CACNA1D: variants seen among roughly 807,000 people sequenced by gnomAD.
CACNA1D encodes the protein calcium voltage-gated channel subunit alpha1 D.
In CACNA1D, 55 loss-of-function variants were observed where a neutral mutation model predicts 257.1. The observed-to-expected ratio is 0.21, with a 90% CI of 0.17 to 0.27. The LOEUF is 0.27. Ranked by LOEUF, CACNA1D falls within the 10% of genes least tolerant of loss-of-function variation. The pLI is 1.00. For synonymous variants in CACNA1D, 980 were observed against 1,014.9 expected (o/e 0.97, Z 0.65); for missense variants, 1,876 against 2,784.0 (o/e 0.67, Z 7.34).
intron 3 of CACNA1D, among the ~76,000 whole-genome samples, chr3:53,560,550 C>G (rs1055347169): frequency 6.6e-6 from 1 of 152,098 alleles, no homozygotes; most frequent in East Asian, 1.9e-4. Flanking sequence ...CAGAGGCTGG[C>G]AAATGTTTTC....
At chr3:53,739,268 G>T (rs1436994231) in intron 20 of CACNA1D, among the ~76,000 whole-genome samples, 1 of 152,242 alleles carries the variant, frequency 6.6e-6, no homozygotes, top group Non-Finnish European at 1.5e-5. Flanking sequence ...TCTGTTAAAG[G>T]ATTAGGCCTG....
rs770427709 is a variant in CACNA1D at position 53,805,043 on chromosome 3, A to C, written c.5646A>C (p.Arg1882=). ...GAAACATCGACTCTGAGAGGCCCCG[A>C]GGCTACCATCATCCCCAAGGATTCT... ...PGRNIDSERP[R]GYHHPQGFLE... is the part of the protein sequence containing the mutation. The change falls in exon 45 of 48, where the codon CGA becomes CGC. Residue 1882 remains arginine, a synonymous_variant. Transcript: ENST00000350061. The C allele has an allele frequency of 6.2e-7, 1 of 1,614,132 alleles. No individual in the cohort carries two copies. Among genetic ancestry groups the C allele is most frequent in the South Asian group, 1.1e-5 (1 of 91,082 alleles).
intron 21 of CACNA1D, among the ~76,000 whole-genome samples, chr3:53,742,725 C>T (rs191904980): frequency 1.6e-4 from 25 of 152,370 alleles, no homozygotes; most frequent in African/African-American, 5.8e-4. Context: ...CTCTCTTAGA[C>T]AGGCTCTTTG....
intron 8 of CACNA1D, among the ~76,000 whole-genome samples, chr3:53,695,892 A>G (rs2094568956): frequency 6.6e-6 from 1 of 152,136 alleles, no homozygotes; most frequent in Non-Finnish European, 1.5e-5. Context: ...CAGAGAAGCA[A>G]TCCAGGTTCC....
At position 53,762,033 on chromosome 3, in the gene CACNA1D, C is replaced by T; in HGVS notation, c.3822C>T (p.Ser1274=). Residue 1274 remains serine, a synonymous_variant, in exon 30 of 48, where the codon TCC becomes TCT. Transcript: ENST00000350061. ...GTGACGCCTGGAACACGTTTGACTC[C>T]CTCATCGTAATCGGCAGCATTATAG... ...YFSDAWNTFD[S]LIVIGSIIDV... is the part of the protein sequence containing the mutation. 6.2e-7 allele frequency: 1 copy of T among 1,613,902 alleles called. No homozygotes were observed. The highest frequency in any genetic ancestry group is 2.2e-5 in the East Asian group (1 of 44,884).
intron 19 of CACNA1D, among the ~76,000 whole-genome samples, chr3:53,733,479 A>C (rs2095020354): frequency 1.3e-5 from 2 of 152,334 alleles, no homozygotes; most frequent in Non-Finnish European, 1.5e-5. Flanking sequence ...TTGTAAAGTC[A>C]TATTGCACAG....
At chr3:53,665,412 T>C (rs917976876) in intron 5 of CACNA1D, among the ~76,000 whole-genome samples, 13 of 152,184 alleles carry the variant, frequency 8.5e-5, no homozygotes, top group African/African-American at 2.7e-4. Flanking sequence ...AACTTTGACA[T>C]TGGGCAGTCC....
chr3:53,764,560 C>T (rs1472468035), intron 30 of CACNA1D, among the ~76,000 whole-genome samples: 2 of 152,216 alleles, frequency 1.3e-5, no homozygotes, highest in Non-Finnish European at 2.9e-5. Flanking sequence ...CCAGCTTTCT[C>T]ACGCCTGACC....
rs34553768 is a variant in CACNA1D at position 53,563,533 on chromosome 3, C to CA, written c.483+61834dup. On this transcript the variant is annotated intron_variant, in intron 3 of 47. Coordinates refer to ENST00000350061, the MANE Select transcript of CACNA1D (RefSeq NM_001128840.3). ...CCTGGGTGAGGGCGAGACTCTGTCT[C>CA]AAAAAAAAAAAAAAAAAAAAAGTGC... Among the ~76,000 whole-genome samples, 454 of 95,456 alleles carry CA rather than the reference C, an allele frequency of 4.8e-3. 5 individuals are homozygous for CA. Among genetic ancestry groups the CA allele is most frequent in the South Asian group, 5.9e-3 (16 of 2,716 alleles). 62.6% of individuals were successfully genotyped at this position (95,456 alleles called of 152,430 possible). A position where few individuals can be genotyped will look rare whatever the true frequency, so the allele number is the denominator to read the frequency against.
chr3:53,702,863 A>T (rs2094641137), intron 9 of CACNA1D, 53 bp downstream of exon 9: 4 of 1,602,166 alleles, frequency 2.5e-6, no homozygotes, highest in Non-Finnish European at 3.4e-6. Flanking sequence ...TGCGGTTCAG[A>T]CGCCTAGCAG....
intron 8 of CACNA1D, among the ~76,000 whole-genome samples, chr3:53,680,396 C>A: frequency 6.6e-6 from 1 of 151,920 alleles, no homozygotes; most frequent in East Asian, 1.9e-4. Flanking sequence ...ACCCAGGAGG[C>A]ACCTCTGGCC....
intron 3 of CACNA1D, among the ~76,000 whole-genome samples, chr3:53,590,998 C>G (rs1240612295): frequency 6.6e-6 from 1 of 152,210 alleles, no homozygotes; most frequent in East Asian, 1.9e-4. Context: ...TGAGGAGGCA[C>G]TGGACCCAGA....
intron 9 of CACNA1D, among the ~76,000 whole-genome samples, chr3:53,716,542 T>C (rs1436786283): frequency 6.6e-6 from 1 of 151,780 alleles, no homozygotes; most frequent in Non-Finnish European, 1.5e-5. Context: ...TTTTAAGGTT[T>C]TTCCATGATT....
intron 28 of CACNA1D, among the ~76,000 whole-genome samples, chr3:53,752,318 A>G (rs1167366103): frequency 6.6e-6 from 1 of 152,206 alleles, no homozygotes; most frequent in Non-Finnish European, 1.5e-5. Flanking sequence ...TTTCTTTATC[A>G]GTAAAATGGG....
At chr3:53,654,589 T>A (rs1455691522) in intron 4 of CACNA1D, among the ~76,000 whole-genome samples, 1 of 152,122 alleles carries the variant, frequency 6.6e-6, no homozygotes, top group Non-Finnish European at 1.5e-5. Flanking sequence ...AGCCTTTTTT[T>A]CCCCCACCAT....
At chr3:53,763,156 G>A (rs554072861) in intron 30 of CACNA1D, among the ~76,000 whole-genome samples, 60 of 152,332 alleles carry the variant, frequency 3.9e-4, no homozygotes, top group African/African-American at 1.2e-3. Flanking sequence ...ACTGGTGAAC[G>A]TCCCACACCC....
chr3:53,702,089 G>A (rs2094631821), intron 8 of CACNA1D, among the ~76,000 whole-genome samples: 1 of 152,236 alleles, frequency 6.6e-6, no homozygotes, highest in African/African-American at 2.4e-5. Flanking sequence ...CGAACCTGCA[G>A]GTGATGGGTA....
At chr3:53,792,729 G>C (rs2095490003) in intron 40 of CACNA1D, among the ~76,000 whole-genome samples, 1 of 152,150 alleles carries the variant, frequency 6.6e-6, no homozygotes, top group Admixed American at 6.5e-5. Context: ...GACTGACAGG[G>C]TCAGTCCCAG....
At chr3:53,507,072 C>CAAAAAAAAAAAAAAAA (rs781421977) in intron 3 of CACNA1D, among the ~76,000 whole-genome samples, 6 of 56,698 alleles carry the variant, frequency 1.1e-4, no homozygotes, top group African/African-American at 1.3e-4. Context: ...GACTCTATCT[C>CAAAAAAAAAAAAAAAA]AAAAAAAAAA....
Sources: gnomAD v4.1 joint callset for allele counts (sites outside exome capture counted in the v4.1 genomes callset) on GRCh38, gnomAD v4.1.1 for gene constraint, MANE v1.5 for transcripts, NCBI Gene and HGNC (gene_info 2026-07-23, HGNC 2026-07-21) for gene names.